Variants in PHF14 observed in about 807,000 individuals in gnomAD.
The protein encoded by PHF14 is PHD finger protein 14.
A neutral mutation model predicts 117.9 loss-of-function variants in PHF14; 55 were observed. That is an observed-to-expected ratio of 0.47 (90% CI 0.38 to 0.58). The LOEUF is 0.58. PHF14 is among the 20% of genes least tolerant of loss of function. The pLI is 0.00. For missense variants in PHF14, 978 were observed against 1,122.2 expected (o/e 0.87, Z 1.84); for synonymous variants, 409 against 368.6 (o/e 1.11, Z -1.26).
chr7:11,131,876 G>C (rs549650213), intron 17 of PHF14, among the ~76,000 whole-genome samples: 7 of 151,636 alleles, frequency 4.6e-5, no homozygotes, highest in African/African-American at 7.2e-5. Flanking sequence ...AGGTCCATAT[G>C]GTCCAGCACT....
chr7:11,131,951 C>G (rs773889490), intron 17 of PHF14, among the ~76,000 whole-genome samples: 4 of 149,186 alleles, frequency 2.7e-5, no homozygotes, highest in African/African-American at 1.0e-4. Context: ...GGAATTTTTT[C>G]TTGTTGGGTT....
At chr7:11,061,076 G>T (rs1271088844) in intron 14 of PHF14, among the ~76,000 whole-genome samples, 1 of 152,084 alleles carries the variant, frequency 6.6e-6, no homozygotes, top group Non-Finnish European at 1.5e-5. Context: ...AGTCTCTAGG[G>T]AACAGTGGTC....
intron 16 of PHF14, among the ~76,000 whole-genome samples, chr7:11,089,775 T>C (rs1328943313): frequency 6.8e-6 from 1 of 146,660 alleles, no homozygotes; most frequent in Non-Finnish European, 1.5e-5. Context: ...TTTTTTTTTT[T>C]TTTTTTTTTT....
At chr7:10,999,301 A>G (rs1782773440) in intron 4 of PHF14, among the ~76,000 whole-genome samples, 1 of 152,150 alleles carries the variant, frequency 6.6e-6, no homozygotes, top group South Asian at 2.1e-4. Flanking sequence ...CATTTTTGTT[A>G]GTTGCCTAGT....
At chr7:10,980,666 A>G (rs1424392015) in intron 2 of PHF14, among the ~76,000 whole-genome samples, 1 of 152,166 alleles carries the variant, frequency 6.6e-6, no homozygotes, top group African/African-American at 2.4e-5. Flanking sequence ...GCAAAGCCTA[A>G]CGGAACTGGT....
In PHF14 at chr7:11,161,048, T is replaced by C. The variant is rs530515967; in HGVS notation, c.2773-8368T>C. On this transcript the variant is annotated intron_variant, in intron 17 of 17. Transcript: ENST00000634607. ...GCTCTAAGATTCTTATAGTTTGAGGTCTTACATTTAAATCTGTAACACAAC... is the reference window on the plus strand; with the variant it reads ...GCTCTAAGATTCTTATAGTTTGAGGCCTTACATTTAAATCTGTAACACAAC... Among the ~76,000 whole-genome samples, 3 of 152,296 alleles carry C rather than the reference T, an allele frequency of 2.0e-5. No individual in the cohort carries two copies. The East Asian group carries it at 5.8e-4, about 29-fold the overall frequency.
intron 4 of PHF14, among the ~76,000 whole-genome samples, chr7:10,998,757 G>A (rs1041538914): frequency 1.8e-4 from 27 of 152,276 alleles, no homozygotes; most frequent in African/African-American, 6.3e-4. Context: ...CATTGCTGAT[G>A]TGTGATACAG....
chr7:11,050,317 A>G (rs777945334), intron 13 of PHF14, among the ~76,000 whole-genome samples: 40 of 152,194 alleles, frequency 2.6e-4, no homozygotes, highest in Non-Finnish European at 4.9e-4. Context: ...ATCAAATACA[A>G]TTTTACAGAT....
At chr7:11,022,426 T>A (rs1783767782) in intron 5 of PHF14, among the ~76,000 whole-genome samples, 1 of 152,200 alleles carries the variant, frequency 6.6e-6, no homozygotes, top group Non-Finnish European at 1.5e-5. Flanking sequence ...AAATTTTACC[T>A]AATTACTGCA....
At chr7:11,168,830 A>G (rs952110839) in intron 17 of PHF14, among the ~76,000 whole-genome samples, 1 of 152,184 alleles carries the variant, frequency 6.6e-6, no homozygotes, top group Non-Finnish European at 1.5e-5. Context: ...GAAAGCAGAC[A>G]TTATGATGTC....
At chr7:11,073,667 C>T (rs1785711286) in intron 16 of PHF14, among the ~76,000 whole-genome samples, 1 of 152,204 alleles carries the variant, frequency 6.6e-6, no homozygotes, top group Non-Finnish European at 1.5e-5. Flanking sequence ...GGTAGGGATT[C>T]TGTGTGAGGG....
At chr7:11,167,600 A>G (rs1789237298) in intron 17 of PHF14, among the ~76,000 whole-genome samples, 1 of 152,216 alleles carries the variant, frequency 6.6e-6, no homozygotes, top group Non-Finnish European at 1.5e-5. Context: ...GAACAGATGG[A>G]CAAATTCAGT....
intron 17 of PHF14, among the ~76,000 whole-genome samples, chr7:11,168,304 A>G (rs1789270014): frequency 6.6e-6 from 1 of 152,086 alleles, no homozygotes; most frequent in Admixed American, 6.6e-5. Context: ...AGTGTTAACA[A>G]AGTCTAAATC....
intron 17 of PHF14, among the ~76,000 whole-genome samples, chr7:11,148,621 G>A (rs1005613296): frequency 2.0e-5 from 3 of 152,100 alleles, no homozygotes; most frequent in African/African-American, 7.2e-5. Context: ...TGTCTCTGTT[G>A]AAATTGAAGG....
chr7:11,001,537 AT>A (rs758075391), intron 4 of PHF14, among the ~76,000 whole-genome samples: 4 of 152,110 alleles, frequency 2.6e-5, no homozygotes, highest in Non-Finnish European at 5.9e-5. Context: ...CATAATAAAC[AT>A]TTATTTATTT....
intron 16 of PHF14, among the ~76,000 whole-genome samples, chr7:11,066,539 A>G (rs989383695): frequency 3.6e-4 from 55 of 152,114 alleles, no homozygotes; most frequent in African/African-American, 1.2e-3. Context: ...TTTCTTCTAG[A>G]AGCTTTGTAG....
chr7:11,048,689 A>T (rs1784755263), intron 13 of PHF14, among the ~76,000 whole-genome samples: 1 of 152,232 alleles, frequency 6.6e-6, no homozygotes, highest in Non-Finnish European at 1.5e-5. Context: ...CATTTTTTAC[A>T]TATCTTAAAG....
chr7:11,122,352 T>TATATATAC, intron 17 of PHF14, among the ~76,000 whole-genome samples: 6 of 65,874 alleles, frequency 9.1e-5, no homozygotes, highest in African/African-American at 4.4e-4. Flanking sequence ...TATATATATA[T>TATATATAC]ACACACACAC....
chr7:10,974,785 C>T (rs1280047546), intron 1 of PHF14, 50 bp from the exon 2 acceptor site: 4 of 926,616 alleles, frequency 4.3e-6, no homozygotes, highest in African/African-American at 1.7e-5. Flanking sequence ...CAACTCTCCC[C>T]TGTGTTTGGT....
Sources: allele counts gnomAD v4.1 joint callset (sites outside exome capture counted in the v4.1 genomes callset), GRCh38; gene constraint gnomAD v4.1.1; transcripts MANE v1.5; gene names NCBI Gene and HGNC (gene_info 2026-07-23, HGNC 2026-07-21).